The following EGFR variants were observed in gnomAD, a reference collection of about 807,000 sequenced individuals.
EGFR encodes avian erythroblastic leukemia viral (v-erb-b) oncogene homolog.
In EGFR, 58 loss-of-function variants were observed where a neutral mutation model predicts 143.0. The observed-to-expected ratio is 0.41, with a 90% CI of 0.33 to 0.50. The LOEUF is 0.50. EGFR is among the 20% of genes least tolerant of loss of function. The pLI, the probability that EGFR is intolerant of heterozygous loss-of-function variation, is 0.39. For missense variants in EGFR, 1,307 were observed against 1,579.0 expected (o/e 0.83, Z 2.92); for synonymous variants, 613 against 594.4 (o/e 1.03, Z -0.45).
At chr7:55,170,225 C>A in intron 15 of EGFR, 3 of 1,610,920 alleles carry the variant, frequency 1.9e-6, no homozygotes, top group Non-Finnish European at 2.5e-6. Context: ...GAGATAGAAA[C>A]TGTTAGGATC....
chr7:55,159,343 C>G (rs773683524), intron 11 of EGFR, among the ~76,000 whole-genome samples: 1 of 151,906 alleles, frequency 6.6e-6, no homozygotes, highest in Non-Finnish European at 1.5e-5. Context: ...TCATGTCCAC[C>G]GCGTGCTTTC....
chr7:55,062,723 TC>T (rs1461759450), intron 1 of EGFR, among the ~76,000 whole-genome samples: 1 of 152,240 alleles, frequency 6.6e-6, no homozygotes, highest in East Asian at 1.9e-4. Context: ...TTTCCTTTTT[TC>T]CCCTCCCCAG....
intron 1 of EGFR, among the ~76,000 whole-genome samples, chr7:55,096,625 C>T (rs1017081982): frequency 1.3e-5 from 2 of 152,146 alleles, no homozygotes; most frequent in African/African-American, 4.8e-5. Flanking sequence ...AAGTGACTGA[C>T]CAGGAGTTCC....
chr7:55,125,843 A>G (rs949725721), intron 1 of EGFR, among the ~76,000 whole-genome samples: 5 of 152,192 alleles, frequency 3.3e-5, no homozygotes, highest in African/African-American at 9.6e-5. Context: ...TCTTAAAAAC[A>G]CACATCTGCA....
Position 55,192,789 on chromosome 7 carries a change from G to A in EGFR, c.2649G>A (p.Leu883=), listed in dbSNP as rs2128965514. ...AGGTGCCTATCAAGTGGATGGCATTGGAATCAATTTTACACAGAATCTATA... is the reference window on the plus strand; with the variant it reads ...AGGTGCCTATCAAGTGGATGGCATTAGAATCAATTTTACACAGAATCTATA... ...GGKVPIKWMA[L]ESILHRIYTH... is the part of the protein sequence containing the mutation. Residue 883 remains leucine (L), a synonymous_variant, in exon 22 of 28, where the codon TTG becomes TTA. Transcript: ENST00000275493. The A allele has an allele frequency of 1.2e-6, 2 of 1,614,152 alleles. No individual in the cohort carries two copies. Among genetic ancestry groups the A allele is most frequent in the Non-Finnish European group, 1.7e-6 (2 of 1,180,018 alleles).
chr7:55,170,803 G>T, intron 15 of EGFR: 6 of 1,424,672 alleles, frequency 4.2e-6, no homozygotes, highest in Non-Finnish European at 5.5e-6. Flanking sequence ...TAATTAGCAT[G>T]GCCCCAGTCC....
intron 22 of EGFR, among the ~76,000 whole-genome samples, chr7:55,194,031 G>A (rs1045159917): frequency 6.6e-6 from 1 of 152,078 alleles, no homozygotes; most frequent in African/African-American, 2.4e-5. Flanking sequence ...CTGATGCATT[G>A]TTATTTACAG....
At chr7:55,146,762 T>C (rs2128929721) in intron 4 of EGFR, 22 bp downstream of exon 4, 1 of 1,614,086 alleles carries the variant, frequency 6.2e-7, no homozygotes, top group Non-Finnish European at 8.5e-7. Flanking sequence ...ATACACACTA[T>C]CTCTGCCTCC....
chr7:55,051,784 C>T (rs997817296), intron 1 of EGFR, among the ~76,000 whole-genome samples: 2 of 152,310 alleles, frequency 1.3e-5, no homozygotes, highest in Non-Finnish European at 2.9e-5. Flanking sequence ...CACCCTATCA[C>T]CCACTGGCTC....
rs144762586 is a variant in EGFR, at chr7:55,128,097, G to A, written c.89-14189G>A. Among the ~76,000 whole-genome samples the A allele has an allele frequency of 4.6e-3, 705 of 152,318 alleles. 4 individuals are homozygous for A. Among genetic ancestry groups the A allele is most frequent in the African/African-American group, 0.015 (622 of 41,568 alleles). On this transcript the variant is annotated intron_variant, in intron 1 of 27. Coordinates refer to ENST00000275493, the MANE Select transcript of EGFR (RefSeq NM_005228.5). ...TAGACCTATAATGGGTGCAAGCAGC[G>A]TTCATTCATAGTGGCTTTCTAGACC... is the stretch of plus-strand genomic sequence containing the variant.
At chr7:55,138,600 A>G (rs1051123761) in intron 1 of EGFR, among the ~76,000 whole-genome samples, 2 of 152,240 alleles carry the variant, frequency 1.3e-5, no homozygotes, top group East Asian at 1.9e-4. Context: ...AAGACAATAT[A>G]GAGTGGCTGA....
intron 1 of EGFR, among the ~76,000 whole-genome samples, chr7:55,116,305 C>A (rs887840583): frequency 6.6e-6 from 1 of 152,214 alleles, no homozygotes; most frequent in Non-Finnish European, 1.5e-5. Context: ...CCACGCAATG[C>A]GCACATCCCA....
chr7:55,023,611 A>G (rs567039590), intron 1 of EGFR, among the ~76,000 whole-genome samples: 1 of 133,522 alleles, frequency 7.5e-6, no homozygotes, highest in Admixed American at 9.0e-5. Context: ...AGATCGCACC[A>G]TTGCACTCCA....
At chr7:55,032,222 A>G (rs896049298) in intron 1 of EGFR, among the ~76,000 whole-genome samples, 25 of 152,344 alleles carry the variant, frequency 1.6e-4, no homozygotes, top group Non-Finnish European at 3.4e-4. Flanking sequence ...GATGATAACT[A>G]ATTAATACCC....
chr7:55,162,580 AAG>A (rs763132726), intron 13 of EGFR, among the ~76,000 whole-genome samples: 1 of 152,224 alleles, frequency 6.6e-6, no homozygotes, highest in Non-Finnish European at 1.5e-5. Context: ...AGTGTTTCTT[AAG>A]AGGCAAGGTG....
chr7:55,130,064 GTGAAGCTGAAAACA>G (rs6150121), intron 1 of EGFR, among the ~76,000 whole-genome samples: 6,998 of 152,286 alleles, frequency 0.046, 451 homozygotes, highest in East Asian at 0.29. Context: ...CATATGATGG[GTGAAGCTGAAAACA>G]TTTACTCTCT....
At chr7:55,175,851 TTC>T (rs931610938) in intron 19 of EGFR, among the ~76,000 whole-genome samples, 1 of 152,196 alleles carries the variant, frequency 6.6e-6, no homozygotes, top group Non-Finnish European at 1.5e-5. Context: ...CAGTTTAATT[TTC>T]TCTGGGCAGC....
At chr7:55,029,118 C>T (rs1425172545) in intron 1 of EGFR, among the ~76,000 whole-genome samples, 1 of 152,072 alleles carries the variant, frequency 6.6e-6, no homozygotes, top group Non-Finnish European at 1.5e-5. Flanking sequence ...GAGATCACAC[C>T]ACTACACTCC....
At chr7:55,060,658 G>A (rs1336437451) in intron 1 of EGFR, among the ~76,000 whole-genome samples, 1 of 152,064 alleles carries the variant, frequency 6.6e-6, no homozygotes, top group Non-Finnish European at 1.5e-5. Flanking sequence ...TTGTGTTTTG[G>A]GAGCCATAGA....
Sources: gnomAD v4.1 joint callset for allele counts (sites outside exome capture counted in the v4.1 genomes callset) on GRCh38, gnomAD v4.1.1 for gene constraint, MANE v1.5 for transcripts, NCBI Gene and HGNC (gene_info 2026-07-23, HGNC 2026-07-21) for gene names.